SDK1: variants seen among roughly 807,000 people sequenced by gnomAD.
SDK1 encodes the protein sidekick cell adhesion molecule 1, also known as protein sidekick-1.
SDK1 carries 157 observed loss-of-function variants against 245.5 expected under a neutral mutation model. The observed-to-expected ratio is 0.64, with a 90% CI of 0.56 to 0.73. SDK1 has a LOEUF of 0.73. SDK1 is among the 30% of genes least tolerant of loss of function. The probability of loss-of-function intolerance (pLI) is 0.00; values close to 1 mark genes in which losing one functional copy is unlikely to be tolerated. For synonymous variants in SDK1, 1,647 were observed against 1,278.5 expected, an observed-to-expected ratio of 1.29 and a Z score of -6.15; for missense variants, 3,583 against 3,002.3, an observed-to-expected ratio of 1.19 and a Z score of -4.52.
intron 22 of SDK1, among the ~76,000 whole-genome samples, chr7:4,085,544 AT>A (rs1170904717): frequency 6.6e-6 from 1 of 151,896 alleles, no homozygotes; most frequent in Non-Finnish European, 1.5e-5. Context: ...TTTAAAAATC[AT>A]TTTACATTTT....
chr7:3,609,729 C>G (rs1781533125), intron 1 of SDK1, among the ~76,000 whole-genome samples: 1 of 130,000 alleles, frequency 7.7e-6, no homozygotes, highest in African/African-American at 2.9e-5. Flanking sequence ...AAGACAGAGT[C>G]TCACTCCCTT....
At chr7:3,537,304 T>A (rs890600605) in intron 1 of SDK1, among the ~76,000 whole-genome samples, 1 of 152,234 alleles carries the variant, frequency 6.6e-6, no homozygotes, top group Non-Finnish European at 1.5e-5. Flanking sequence ...CCCATTGTTC[T>A]TCTTTTCTTA....
At chr7:4,048,222 T>C (rs902643604) in intron 17 of SDK1, among the ~76,000 whole-genome samples, 7 of 152,270 alleles carry the variant, frequency 4.6e-5, no homozygotes, top group African/African-American at 1.7e-4. Flanking sequence ...GATCTTAGGC[T>C]TCTGTGCCTC....
At chr7:4,061,057 G>C (rs1016350244) in intron 19 of SDK1, among the ~76,000 whole-genome samples, 9 of 152,340 alleles carry the variant, frequency 5.9e-5, no homozygotes, top group Middle Eastern at 3.4e-3. Flanking sequence ...TTGTAGTATA[G>C]TTTGAAGTCA....
At chr7:3,633,820 G>C (rs1183137338) in intron 2 of SDK1, among the ~76,000 whole-genome samples, 1 of 152,048 alleles carries the variant, frequency 6.6e-6, no homozygotes, top group Non-Finnish European at 1.5e-5. Context: ...CTTAGAATCA[G>C]CCTGGAGATT....
intron 17 of SDK1, among the ~76,000 whole-genome samples, chr7:4,039,485 A>C (rs1043004026): frequency 6.6e-6 from 1 of 152,216 alleles, no homozygotes; most frequent in Non-Finnish European, 1.5e-5. Context: ...GATTGCATAC[A>C]TCCTCAAGAA....
intron 1 of SDK1, among the ~76,000 whole-genome samples, chr7:3,462,859 G>C (rs187693272): frequency 6.6e-6 from 1 of 152,268 alleles, no homozygotes; most frequent in Admixed American, 6.5e-5. Context: ...ATGACATCGT[G>C]CTTTTGGGAA....
intron 38 of SDK1, among the ~76,000 whole-genome samples, chr7:4,215,134 G>C (rs963672753): frequency 2.0e-5 from 3 of 152,198 alleles, no homozygotes; most frequent in Non-Finnish European, 4.4e-5. Context: ...CCCCAGGCCT[G>C]TCCGACAAGC....
At position 3,387,095 on chromosome 7, in the gene SDK1, C is replaced by T. The variant is rs894594848; in HGVS notation, c.298+85211C>T. ...ATATGTTTACTCTTGGCTGACACGC[C>T]TCTGAACCAGCCCCAAGTTGGTGTG... On this transcript the variant is annotated intron_variant, in intron 1 of 44. Transcript: ENST00000404826. Among the ~76,000 whole-genome samples, 36 of 152,154 alleles carry T rather than the reference C, an allele frequency of 2.4e-4. 1 individual carries two copies. Among genetic ancestry groups the T allele is most frequent in the Non-Finnish European group, 1.0e-4 (7 of 68,026 alleles).
intron 37 of SDK1, 132 bp downstream of exon 37, chr7:4,208,417 G>C (rs1181315049): frequency 1.3e-6 from 1 of 767,604 alleles, no homozygotes; most frequent in African/African-American, 1.8e-5. Flanking sequence ...GTAGCTGGGA[G>C]TTTCTGGATG....
intron 8 of SDK1, among the ~76,000 whole-genome samples, chr7:3,961,934 T>C (rs1480776869): frequency 6.6e-6 from 1 of 151,890 alleles, no homozygotes; most frequent in Non-Finnish European, 1.5e-5. Context: ...CACACACATA[T>C]ACACACACGC....
chr7:4,067,240 G>A (rs1215751211), intron 19 of SDK1, among the ~76,000 whole-genome samples: 1 of 152,222 alleles, frequency 6.6e-6, no homozygotes, highest in Non-Finnish European at 1.5e-5. Flanking sequence ...CTGCGGCTCT[G>A]CCTGCCCGTG....
chr7:3,419,544 A>G (rs953309734), intron 1 of SDK1, among the ~76,000 whole-genome samples: 1 of 152,272 alleles, frequency 6.6e-6, no homozygotes, highest in East Asian at 1.9e-4. Flanking sequence ...TGCTCTGGAC[A>G]CCATGATCTG....
chr7:3,699,055 A>C (rs1053932608), intron 4 of SDK1, among the ~76,000 whole-genome samples: 1 of 152,182 alleles, frequency 6.6e-6, no homozygotes, highest in Non-Finnish European at 1.5e-5. Flanking sequence ...AGAGAGGCCA[A>C]GTGGGGCTCC....
At chr7:3,762,650 C>T (rs1184330792) in intron 4 of SDK1, among the ~76,000 whole-genome samples, 1 of 152,178 alleles carries the variant, frequency 6.6e-6, no homozygotes, top group Non-Finnish European at 1.5e-5. Flanking sequence ...AATCAGTCTT[C>T]ATTTGTAGCT....
At chr7:3,486,383 G>A (rs937329706) in intron 1 of SDK1, among the ~76,000 whole-genome samples, 1 of 151,732 alleles carries the variant, frequency 6.6e-6, no homozygotes, top group Non-Finnish European at 1.5e-5. Flanking sequence ...CAAATGTGCT[G>A]GTATTTTTGT....
intron 4 of SDK1, among the ~76,000 whole-genome samples, chr7:3,754,600 C>T (rs1034485174): frequency 9.2e-5 from 14 of 151,936 alleles, no homozygotes; most frequent in African/African-American, 2.7e-4. Context: ...CCTCCTTCCT[C>T]CCATCTCTTC....
chr7:4,076,505 A>G (rs1006816511), intron 20 of SDK1, among the ~76,000 whole-genome samples: 1 of 152,208 alleles, frequency 6.6e-6, no homozygotes, highest in Non-Finnish European at 1.5e-5. Flanking sequence ...GCAGTGAGCT[A>G]TGATTGCACC....
At chr7:3,955,393 G>T (rs940818132) in intron 7 of SDK1, among the ~76,000 whole-genome samples, 2 of 152,200 alleles carry the variant, frequency 1.3e-5, no homozygotes, top group African/African-American at 4.8e-5. Flanking sequence ...CCTTTTAGGG[G>T]CTCACATGAT....
Sources: gnomAD v4.1 joint callset for allele counts (sites outside exome capture counted in the v4.1 genomes callset) on GRCh38, gnomAD v4.1.1 for gene constraint, MANE v1.5 for transcripts, NCBI Gene and HGNC (gene_info 2026-07-23, HGNC 2026-07-21) for gene names.